Variants in KCNIP4 observed in about 807,000 individuals in gnomAD.
KCNIP4 encodes Kv channel-interacting protein 4.
In KCNIP4, 12 loss-of-function variants were observed where a neutral mutation model predicts 34.0. The ratio of observed to expected loss-of-function variants is 0.35; its 90% CI spans 0.23 to 0.57. KCNIP4 has a LOEUF of 0.57. KCNIP4 is among the 20% of genes least tolerant of loss of function. The pLI is 0.83. For missense variants in KCNIP4, 238 were observed against 311.7 expected, an observed-to-expected ratio of 0.76 and a Z score of 1.78; for synonymous variants, 124 against 102.2, an observed-to-expected ratio of 1.21 and a Z score of -1.29.
intron 1 of KCNIP4, among the ~76,000 whole-genome samples, chr4:21,946,281 T>C (rs1730507603): frequency 6.6e-6 from 1 of 151,824 alleles, no homozygotes; most frequent in African/African-American, 2.4e-5. Context: ...CCTACATTTC[T>C]CTCAGTTAGA....
intron 1 of KCNIP4, among the ~76,000 whole-genome samples, chr4:20,890,235 T>C (rs973611230): frequency 2.0e-5 from 3 of 152,166 alleles, no homozygotes; most frequent in Non-Finnish European, 4.4e-5. Context: ...CCTTACACGA[T>C]ATTTAGGAAA....
At chr4:21,818,375 T>C (rs186381687) in intron 1 of KCNIP4, among the ~76,000 whole-genome samples, 127 of 152,314 alleles carry the variant, frequency 8.3e-4, no homozygotes, top group African/African-American at 2.7e-3. Flanking sequence ...AGATGCATGT[T>C]CATGTCTTGT....
At chr4:20,877,062 T>C (rs1490508632) in intron 2 of KCNIP4, among the ~76,000 whole-genome samples, 2 of 152,192 alleles carry the variant, frequency 1.3e-5, no homozygotes, top group African/African-American at 4.8e-5. Context: ...AGGCTGACCT[T>C]TGTGGACAAT....
At chr4:21,022,311 T>C (rs1740146444) in intron 1 of KCNIP4, among the ~76,000 whole-genome samples, 5 of 152,218 alleles carry the variant, frequency 3.3e-5, no homozygotes, top group South Asian at 2.1e-4. Flanking sequence ...TGCACACAGA[T>C]GATGTACATT....
intron 1 of KCNIP4, among the ~76,000 whole-genome samples, chr4:21,536,912 GT>G (rs1189864750): frequency 2.6e-5 from 4 of 152,240 alleles, no homozygotes; most frequent in African/African-American, 7.2e-5. Context: ...CTTGAGCCCT[GT>G]TTCTTTCAAA....
chr4:21,506,126 T>C (rs1560468263), intron 1 of KCNIP4, among the ~76,000 whole-genome samples: 2 of 152,124 alleles, frequency 1.3e-5, no homozygotes, highest in African/African-American at 2.4e-5. Context: ...AACAACTTAA[T>C]AGAAATAATT....
intron 3 of KCNIP4, among the ~76,000 whole-genome samples, chr4:20,759,474 A>G (rs898850507): frequency 6.6e-5 from 10 of 152,156 alleles, no homozygotes; most frequent in Non-Finnish European, 1.0e-4. Context: ...AGAGTCTGCA[A>G]AGAAATGGCC....
At chr4:21,549,063 C>T (rs1348541761) in intron 1 of KCNIP4, among the ~76,000 whole-genome samples, 1 of 151,648 alleles carries the variant, frequency 6.6e-6, no homozygotes, top group Admixed American at 6.6e-5. Flanking sequence ...GGAGACCAGG[C>T]CAAATGTCCC....
At chr4:20,809,451 G>A (rs1468615023) in intron 3 of KCNIP4, among the ~76,000 whole-genome samples, 1 of 152,110 alleles carries the variant, frequency 6.6e-6, no homozygotes, top group African/African-American at 2.4e-5. Context: ...TAAAGTGCAA[G>A]GTTAATAATG....
At chr4:21,064,529 G>A (rs576327016) in intron 1 of KCNIP4, among the ~76,000 whole-genome samples, 9 of 152,218 alleles carry the variant, frequency 5.9e-5, no homozygotes, top group African/African-American at 2.2e-4. Context: ...TTAGGTAAGT[G>A]GTTTACCATT....
At chr4:21,945,722 T>C (rs991826981) in intron 1 of KCNIP4, among the ~76,000 whole-genome samples, 4 of 152,064 alleles carry the variant, frequency 2.6e-5, no homozygotes, top group Non-Finnish European at 5.9e-5. Context: ...CTGATTCTCT[T>C]TCAAACATAG....
intron 1 of KCNIP4, among the ~76,000 whole-genome samples, chr4:21,036,822 A>G: frequency 6.6e-6 from 1 of 152,254 alleles, no homozygotes; most frequent in East Asian, 1.9e-4. Context: ...TGCTTTGGTC[A>G]ACAACAGACC....
chr4:21,566,821 T>C (rs1225119522), intron 1 of KCNIP4, among the ~76,000 whole-genome samples: 1 of 152,040 alleles, frequency 6.6e-6, no homozygotes, highest in Middle Eastern at 3.2e-3. Context: ...CAGACATCAG[T>C]TGCTGGGGAA....
intron 1 of KCNIP4, among the ~76,000 whole-genome samples, chr4:21,630,704 T>A (rs956715510): frequency 6.6e-6 from 1 of 152,130 alleles, no homozygotes; most frequent in Non-Finnish European, 1.5e-5. Flanking sequence ...CACTAACAGA[T>A]ATGGCCATGA....
chr4:21,427,886 A>C (rs1202674995), intron 1 of KCNIP4, among the ~76,000 whole-genome samples: 1 of 152,222 alleles, frequency 6.6e-6, no homozygotes, highest in African/African-American at 2.4e-5. Context: ...TAAACAAATA[A>C]AGGCATACCA....
At chr4:21,939,602 C>A (rs993384491) in intron 1 of KCNIP4, among the ~76,000 whole-genome samples, 1 of 152,140 alleles carries the variant, frequency 6.6e-6, no homozygotes, top group African/African-American at 2.4e-5. Context: ...TAACACAGTG[C>A]ACCTACGTTT....
chr4:21,007,789 G>A (rs534500532), intron 1 of KCNIP4, among the ~76,000 whole-genome samples: 1 of 152,326 alleles, frequency 6.6e-6, no homozygotes, highest in African/African-American at 2.4e-5. Context: ...CAGTAAATGA[G>A]AAGTAATCTG....
intron 1 of KCNIP4, among the ~76,000 whole-genome samples, chr4:21,722,115 T>C (rs1714862278): frequency 6.6e-6 from 1 of 152,192 alleles, no homozygotes; most frequent in African/African-American, 2.4e-5. Flanking sequence ...ATTGAGCTCA[T>C]TATTCAGTCT....
intron 1 of KCNIP4, among the ~76,000 whole-genome samples, chr4:21,617,378 A>G (rs767118922): frequency 3.9e-5 from 6 of 152,210 alleles, no homozygotes; most frequent in Non-Finnish European, 7.3e-5. Flanking sequence ...TTTAAATATT[A>G]TGTCAAAGAG....
Sources: gnomAD v4.1 joint callset for allele counts (sites outside exome capture counted in the v4.1 genomes callset) on GRCh38, gnomAD v4.1.1 for gene constraint, MANE v1.5 for transcripts, NCBI Gene and HGNC (gene_info 2026-07-23, HGNC 2026-07-21) for gene names.